Variants in OPA3 observed in about 807,000 individuals in gnomAD.
OPA3 encodes the protein optic atrophy 3 protein.
Under a neutral mutation model 4.0 loss-of-function variants are expected in OPA3, and 6 were observed. The observed-to-expected ratio is 1.51, with a 90% CI of 0.83 to 2.99. OPA3 has a LOEUF of 2.99. OPA3 is among the 30% of genes most tolerant of loss of function. The pLI is 0.00. For missense variants in OPA3, 235 were observed against 256.2 expected (o/e 0.92, Z 0.56); for synonymous variants, 105 against 117.1 (o/e 0.90, Z 0.67).
intron 1 of OPA3, among the ~76,000 whole-genome samples, chr19:45,564,396 G>A (rs1193297252): frequency 6.6e-6 from 1 of 152,180 alleles, no homozygotes; most frequent in Non-Finnish European, 1.5e-5. Context: ...GTGACTGAGG[G>A]TGGGGTTAAG....
chr19:45,554,001 G>T, intron 1 of OPA3, 90 bp from the exon 2 acceptor site: 6 of 1,047,614 alleles, frequency 5.7e-6, no homozygotes, highest in Non-Finnish European at 8.3e-6. Context: ...ACCTAGCCTG[G>T]GTAACCCAGG....
intron 1 of OPA3, among the ~76,000 whole-genome samples, chr19:45,537,449 A>G (rs1032378082): frequency 2.7e-5 from 4 of 150,724 alleles, no homozygotes; most frequent in Admixed American, 2.0e-4. Flanking sequence ...ATTCTTCAAA[A>G]GACACCAGCA....
At chr19:45,558,584 T>C (rs1324687492) in intron 1 of OPA3, among the ~76,000 whole-genome samples, 1 of 152,134 alleles carries the variant, frequency 6.6e-6, no homozygotes, top group Non-Finnish European at 1.5e-5. Context: ...TTTGTTCAGA[T>C]CTACGCCATC....
At position 45,551,893 on chromosome 19, in the gene OPA3, C is replaced by T. The variant is rs1177282758; in HGVS notation, c.*1621G>A. The T allele has an allele frequency of 2.6e-5, 26 of 985,556 alleles. No homozygotes were observed. Among genetic ancestry groups the T allele is most frequent in the Non-Finnish European group, 2.9e-5 (24 of 830,070 alleles). 61.1% of individuals were successfully genotyped at this position (985,556 alleles called of 1,614,324 possible). A position where few individuals can be genotyped will look rare whatever the true frequency, so the allele number is the denominator to read the frequency against. ...ACAATTGAATCCATGGGCTTGGATT[C>T]GACTGGGTCCCTGAGAAATGCTACT... On this transcript the variant is annotated 3_prime_UTR_variant, in exon 2 of 2. Transcript: ENST00000263275.
At position 45,553,038 on chromosome 19, in the gene OPA3, AG is replaced by A. The variant is rs1341315619; in HGVS notation, c.*475del. 2.0e-6 allele frequency: 2 copies of A among 1,022,986 alleles called. No homozygotes were observed. Among genetic ancestry groups the A allele is most frequent in the African/African-American group, 3.5e-5 (2 of 57,754 alleles). The allele number at this position is 1,022,986 out of a possible 1,614,324, so 63.4% of individuals were successfully genotyped here. On this transcript the variant is annotated 3_prime_UTR_variant, in exon 2 of 2. Transcript: ENST00000263275. Reference sequence around the variant, plus strand: ...CAGCTAGAGCTGACCTTAGAAGGTGAGGGGGAGAAAAGGCCACTGCAACACA... The same window carrying A: ...CAGCTAGAGCTGACCTTAGAAGGTGAGGGGAGAAAAGGCCACTGCAACACA...
chr19:45,530,006 C>T (rs992281853), intron 1 of OPA3, among the ~76,000 whole-genome samples: 1 of 152,130 alleles, frequency 6.6e-6, no homozygotes, highest in Admixed American at 6.5e-5. Flanking sequence ...AGTGCTGGGA[C>T]TGCAGGTGTG....
chr19:45,564,151 A>G, intron 1 of OPA3, among the ~76,000 whole-genome samples: 1 of 120,762 alleles, frequency 8.3e-6, no homozygotes, highest in African/African-American at 3.2e-5. Context: ...AAGAACAAAG[A>G]GAAGCATCAG....
chr19:45,536,061 T>C (rs1969113831), intron 1 of OPA3, among the ~76,000 whole-genome samples: 1 of 150,712 alleles, frequency 6.6e-6, no homozygotes, highest in Non-Finnish European at 1.5e-5. Context: ...ACCCTGTCTC[T>C]ACTGAAAAAA....
intron 1 of OPA3, chr19:45,584,375 G>A: frequency 1.0e-6 from 1 of 985,344 alleles, no homozygotes; most frequent in Non-Finnish European, 1.2e-6. Flanking sequence ...GTCTCCAAGC[G>A]CTCTCTTCCT....
chr19:45,573,960 G>T (rs1047570414), intron 1 of OPA3, among the ~76,000 whole-genome samples: 5 of 150,870 alleles, frequency 3.3e-5, no homozygotes, highest in Non-Finnish European at 4.4e-5. Context: ...GTCAGGAGTT[G>T]GAGACCAGCC....
intron 1 of OPA3, among the ~76,000 whole-genome samples, chr19:45,583,028 A>C (rs1969878975): frequency 1.3e-5 from 2 of 152,220 alleles, no homozygotes; most frequent in Admixed American, 1.3e-4. Flanking sequence ...AAGATGGAGT[A>C]AGTTAACTTA....
At chr19:45,563,053 C>T (rs1404045081) in intron 1 of OPA3, among the ~76,000 whole-genome samples, 1 of 152,154 alleles carries the variant, frequency 6.6e-6, no homozygotes. Flanking sequence ...TCCTTGCACA[C>T]CCTGGAGTCA....
chr19:45,556,556 C>T (rs1196525221), intron 1 of OPA3, among the ~76,000 whole-genome samples: 1 of 151,916 alleles, frequency 6.6e-6, no homozygotes, highest in Admixed American at 6.6e-5. Context: ...CTGGGTCTTG[C>T]TATGTTGCCA....
chr19:45,537,008 T>C (rs1969125657), intron 1 of OPA3, among the ~76,000 whole-genome samples: 1 of 151,920 alleles, frequency 6.6e-6, no homozygotes, highest in African/African-American at 2.4e-5. Flanking sequence ...GGTGGGAGGA[T>C]TGCTTCAGAG....
At chr19:45,579,147 C>G (rs1969809856) in intron 1 of OPA3, among the ~76,000 whole-genome samples, 1 of 152,140 alleles carries the variant, frequency 6.6e-6, no homozygotes, top group Non-Finnish European at 1.5e-5. Flanking sequence ...AGGCTTATAG[C>G]CTTCCTTTAA....
At chr19:45,567,272 T>G (rs1443939959) in intron 1 of OPA3, among the ~76,000 whole-genome samples, 3 of 148,242 alleles carry the variant, frequency 2.0e-5, no homozygotes, top group South Asian at 2.1e-4. Flanking sequence ...CCCAGGAGGT[T>G]GAGGCTGCAG....
downstream of OPA3, among the ~76,000 whole-genome samples, chr19:45,541,400 C>G (rs73048409): frequency 0.074 from 11,326 of 152,094 alleles, 556 homozygotes; most frequent in Non-Finnish European, 0.11. Context: ...TGACTGGATA[C>G]AGAGTCACCC....
intron 1 of OPA3, among the ~76,000 whole-genome samples, chr19:45,565,214 T>C (rs961227691): frequency 1.1e-4 from 16 of 151,452 alleles, no homozygotes; most frequent in Admixed American, 7.9e-4. Context: ...AGCCTGGTGA[T>C]AGAGCAAGAC....
At chr19:45,576,268 C>T (rs1464426613) in intron 1 of OPA3, among the ~76,000 whole-genome samples, 5 of 151,776 alleles carry the variant, frequency 3.3e-5, no homozygotes, top group African/African-American at 1.2e-4. Flanking sequence ...CAGTGGCTCA[C>T]GCCTGTAATC....
Sources: allele counts gnomAD v4.1 joint callset (sites outside exome capture counted in the v4.1 genomes callset), GRCh38; gene constraint gnomAD v4.1.1; transcripts MANE v1.5; gene names NCBI Gene and HGNC (gene_info 2026-07-23, HGNC 2026-07-21).